The following DPP6 variants were observed in gnomAD, a reference collection of about 807,000 sequenced individuals.
DPP6 encodes A-type potassium channel modulatory protein DPP6.
A neutral mutation model predicts 122.6 loss-of-function variants in DPP6; 69 were observed. That is an observed-to-expected ratio of 0.56 (90% confidence interval 0.46 to 0.69). The LOEUF is 0.69. DPP6 is among the 30% of genes least tolerant of loss of function. The pLI, the probability that DPP6 is intolerant of heterozygous loss-of-function variation, is 0.00. For synonymous variants in DPP6, 418 were observed against 433.1 expected (o/e 0.97, Z 0.43); for missense variants, 928 against 1,116.9 (o/e 0.83, Z 2.41).
chr7:154,609,626 C>T (rs978154502), intron 5 of DPP6, among the ~76,000 whole-genome samples: 2 of 152,120 alleles, frequency 1.3e-5, no homozygotes, highest in Non-Finnish European at 2.9e-5. Context: ...CATGCACACA[C>T]ATACATGAGC....
intron 3 of DPP6, among the ~76,000 whole-genome samples, chr7:154,479,570 A>AAAAGAAAAG (rs1823060804): frequency 3.0e-5 from 3 of 101,622 alleles, no homozygotes; most frequent in African/African-American, 9.7e-5. Context: ...AAAAAAAAAA[A>AAAAGAAAAG]AAAAGAAAAG....
chr7:154,776,232 G>C (rs1796557491), intron 10 of DPP6, among the ~76,000 whole-genome samples: 1 of 104,520 alleles, frequency 9.6e-6, no homozygotes, highest in Non-Finnish European at 2.0e-5. Context: ...TAGATAGATA[G>C]ATAAACAGAT....
Position 154,819,388 on chromosome 7 carries a change from G to A in DPP6, c.1666+12276G>A, listed in dbSNP as rs185263061. Among the ~76,000 whole-genome samples, 154 of 152,202 alleles carry A rather than the reference G, an allele frequency of 1.0e-3. 1 individual carries two copies. Among genetic ancestry groups the A allele is most frequent in the African/African-American group, 3.6e-3 (149 of 41,520 alleles). The stretch of plus-strand genomic sequence containing the variant: ...TGAGATCATGCCATTGCCCTCCAGC[G>A]TGGGCAACAAGAGTGAAACTCTGTC... On this transcript the variant is annotated intron_variant, in intron 16 of 25. Transcript: ENST00000377770.
intron 16 of DPP6, among the ~76,000 whole-genome samples, chr7:154,850,837 C>G (rs1411421958): frequency 6.6e-6 from 1 of 151,868 alleles, no homozygotes; most frequent in African/African-American, 2.4e-5. Context: ...CTCTTTTTTT[C>G]TTAGTCTGGC....
intron 1 of DPP6, among the ~76,000 whole-genome samples, chr7:154,148,620 C>T (rs530226344): frequency 9.9e-4 from 151 of 152,368 alleles, no homozygotes; most frequent in African/African-American, 3.4e-3. Context: ...ACGTCTGTCA[C>T]GCGTGATGCT....
At chr7:154,329,984 C>A (rs1009092328) in intron 1 of DPP6, among the ~76,000 whole-genome samples, 6 of 152,098 alleles carry the variant, frequency 3.9e-5, no homozygotes, top group African/African-American at 1.4e-4. Flanking sequence ...ACAATGAGAA[C>A]ACATGGACGA....
At chr7:153,918,889 G>C (rs1010922124) in intron 1 of DPP6, among the ~76,000 whole-genome samples, 1 of 141,478 alleles carries the variant, frequency 7.1e-6, no homozygotes, top group African/African-American at 2.6e-5. Context: ...TGAGGCATGA[G>C]AATTGCTTGA....
chr7:154,219,999 T>A (rs1481699265), intron 1 of DPP6, among the ~76,000 whole-genome samples: 3 of 152,210 alleles, frequency 2.0e-5, no homozygotes, highest in Non-Finnish European at 4.4e-5. Flanking sequence ...TTGCCTTGCC[T>A]TGGAGCTCAC....
chr7:154,500,555 C>T (rs1031499817), intron 3 of DPP6, among the ~76,000 whole-genome samples: 8 of 152,130 alleles, frequency 5.3e-5, no homozygotes, highest in African/African-American at 1.7e-4. Flanking sequence ...GAATGAGTCT[C>T]ATGAGATCTG....
intron 1 of DPP6, among the ~76,000 whole-genome samples, chr7:154,411,973 A>T (rs189119879): frequency 6.6e-6 from 1 of 152,192 alleles, no homozygotes; most frequent in African/African-American, 2.4e-5. Flanking sequence ...AAACAGCAGA[A>T]CTTGACTTCT....
At chr7:154,245,473 A>G (rs1381729166) in intron 1 of DPP6, among the ~76,000 whole-genome samples, 1 of 151,484 alleles carries the variant, frequency 6.6e-6, no homozygotes, top group East Asian at 2.0e-4. Flanking sequence ...TGTCTCTACT[A>G]AAAATACAAA....
intron 1 of DPP6, among the ~76,000 whole-genome samples, chr7:154,316,329 C>T (rs1305081952): frequency 6.6e-6 from 1 of 152,198 alleles, no homozygotes; most frequent in Non-Finnish European, 1.5e-5. Flanking sequence ...TGCTGTGATT[C>T]ATCTCCATAA....
At chr7:154,086,333 A>G (rs1293134010) in intron 1 of DPP6, among the ~76,000 whole-genome samples, 2 of 146,962 alleles carry the variant, frequency 1.4e-5, no homozygotes, top group Non-Finnish European at 3.0e-5. Context: ...CGAGCAGGGT[A>G]TAGAGGCTGC....
rs187450604 is a variant in DPP6 at position 154,624,100 on chromosome 7, C to T, written c.628-13721C>T. ...ATCCCAGCATTTGGAGAGGCCAAGG[C>T]GGGTGGATCATGAGATCAGGAGTTC... On this transcript the variant is annotated intron_variant, in intron 5 of 25. Transcript: ENST00000377770. This position sits in a 1 kb window ranked among gnomAD's most constrained non-coding sequence, Gnocchi z 4.7. 1.3e-3 allele frequency among the ~76,000 whole-genome samples: 201 copies of T among 152,062 alleles called. No homozygotes were observed. Among genetic ancestry groups the T allele is most frequent in the Non-Finnish European group, 2.4e-3 (162 of 68,006 alleles).
chr7:154,241,079 A>G lies in DPP6; in HGVS notation c.243+188016A>G, dbSNP rs1458353433. On this transcript the variant is annotated intron_variant, in intron 1 of 25. Coordinates refer to ENST00000377770, the MANE Select transcript of DPP6 (RefSeq NM_130797.4). This position sits in a 1 kb window ranked among gnomAD's most constrained non-coding sequence, Gnocchi z 9.0. ...ATTGTGAAGTTCCGTTGATAAATAA[A>G]TTGATGAAAACCTTTTTTCTTACCA... is the stretch of plus-strand genomic sequence containing the variant. 1.3e-5 allele frequency among the ~76,000 whole-genome samples: 2 copies of G among 151,940 alleles called. No individual in the cohort carries two copies. Among genetic ancestry groups the G allele is most frequent in the African/African-American group, 4.8e-5 (2 of 41,264 alleles).
chr7:154,673,415 C>T (rs989151511), intron 7 of DPP6, among the ~76,000 whole-genome samples: 3 of 152,134 alleles, frequency 2.0e-5, no homozygotes, highest in Non-Finnish European at 1.5e-5. Context: ...CCCAGTGCCT[C>T]GATGTGGTTG....
At chr7:154,182,594 C>A (rs1192758616) in intron 1 of DPP6, among the ~76,000 whole-genome samples, 1 of 152,192 alleles carries the variant, frequency 6.6e-6, no homozygotes, top group Non-Finnish European at 1.5e-5. Flanking sequence ...GCAGCCAGCA[C>A]TGCTCACACA....
chr7:154,021,528 T>C lies in DPP6; in HGVS notation c.51+133794T>C, dbSNP rs146548738. 4.6e-5 allele frequency among the ~76,000 whole-genome samples: 7 copies of C among 152,278 alleles called. No homozygotes were observed. The East Asian group carries it at 1.4e-3, about 29-fold the overall frequency. On this transcript the variant is annotated intron_variant, in intron 1 of 25. Transcript: ENST00000404039. ...AATCCTTTCCAGCCTACAACCATTTTCACATAAAAATGGGAAAAATGGAGG... is the reference window on the plus strand; with the variant it reads ...AATCCTTTCCAGCCTACAACCATTTCCACATAAAAATGGGAAAAATGGAGG...
chr7:153,749,405 G>A, the DPP6 span, among the ~76,000 whole-genome samples: 5 of 152,138 alleles, frequency 3.3e-5, no homozygotes, highest in African/African-American at 1.2e-4. This position sits in a 1 kb window ranked among gnomAD's most constrained non-coding sequence, Gnocchi z 4.1. Context: ...CTGGGCCAGA[G>A]CTTGCAGAGG....
Sources: gnomAD v4.1 joint callset for allele counts (sites outside exome capture counted in the v4.1 genomes callset) on GRCh38, gnomAD v4.1.1 for gene constraint, Gnocchi (gnomAD v3.1) non-coding constraint, MANE v1.5 for transcripts, NCBI Gene and HGNC (gene_info 2026-07-23, HGNC 2026-07-21) for gene names.